Variants in THSD7B observed in about 807,000 individuals in gnomAD.
THSD7B encodes thrombospondin type 1 domain containing 7B, also known as thrombospondin type-1 domain-containing protein 7B.
Under a neutral mutation model 213.6 loss-of-function variants are expected in THSD7B, and 138 were observed. That is an observed-to-expected ratio of 0.65 (90% CI 0.56 to 0.74). The LOEUF is 0.74. THSD7B is among the 30% of genes least tolerant of loss of function. The pLI is 0.00. For missense variants in THSD7B, 1,931 were observed against 1,991.5 expected (o/e 0.97, Z 0.58); for synonymous variants, 742 against 687.0 (o/e 1.08, Z -1.25).
chr2:136,854,572 G>A (rs967755079), intron 1 of THSD7B, among the ~76,000 whole-genome samples: 1 of 151,868 alleles, frequency 6.6e-6, no homozygotes, highest in Non-Finnish European at 1.5e-5. Context: ...CCTTAGCACA[G>A]CACTAACTGT....
intron 12 of THSD7B, among the ~76,000 whole-genome samples, chr2:137,308,329 C>A (rs1683806299): frequency 6.6e-6 from 1 of 152,000 alleles, no homozygotes. Context: ...AGGTTCCAGA[C>A]CAGCTTATTG....
At chr2:137,035,016 C>T (rs1330405069) in intron 2 of THSD7B, among the ~76,000 whole-genome samples, 1 of 152,216 alleles carries the variant, frequency 6.6e-6, no homozygotes, top group Non-Finnish European at 1.5e-5. Flanking sequence ...AACCGCCACA[C>T]TGTCTTCCAC....
intron 7 of THSD7B, among the ~76,000 whole-genome samples, chr2:137,216,087 C>T (rs375286932): frequency 2.6e-5 from 4 of 152,022 alleles, no homozygotes; most frequent in Non-Finnish European, 5.9e-5. Context: ...CAGTCATGCT[C>T]ATATATATTT....
In THSD7B at chr2:137,450,914, G is replaced by A. The variant is rs770009363; in HGVS notation, c.3029G>A (p.Gly1010Glu). 52 of 1,613,208 alleles carry A rather than the reference G, an allele frequency of 3.2e-5. No individual in the cohort carries two copies. In the East Asian group the frequency reaches 1.1e-3, roughly 35 times the overall value. ...AAGTTAAGCGATTGGTCTAGTTGGGGGTCTTGCAGTTCATCTTGTGGAATT... is the reference window on the plus strand; with the variant it reads ...AAGTTAAGCGATTGGTCTAGTTGGGAGTCTTGCAGTTCATCTTGTGGAATT... The part of the protein sequence containing the change: ...DCKLSDWSSW[G>E]SCSSSCGIGV... The change falls in exon 15 of 28, where the codon GGG becomes GAG. Residue 1010 changes from glycine to glutamate, a missense_variant. By Grantham distance (98) the Gly-to-Glu change is moderately conservative (BLOSUM62 -2). Transcript: ENST00000409968.
At chr2:137,218,179 T>A (rs556383621) in intron 7 of THSD7B, among the ~76,000 whole-genome samples, 1 of 152,238 alleles carries the variant, frequency 6.6e-6, no homozygotes, top group Non-Finnish European at 1.5e-5. Context: ...CATGGACATG[T>A]TTCTTTTTTA....
intron 1 of THSD7B, among the ~76,000 whole-genome samples, chr2:136,804,360 A>G (rs1322336780): frequency 2.0e-5 from 3 of 151,820 alleles, no homozygotes; most frequent in African/African-American, 4.8e-5. Context: ...TTTAGCACCA[A>G]TGCATTAAGT....
chr2:137,377,761 C>G (rs772665610), intron 12 of THSD7B, among the ~76,000 whole-genome samples: 3 of 151,730 alleles, frequency 2.0e-5, no homozygotes, highest in Non-Finnish European at 4.4e-5. Flanking sequence ...TGAGTAGCTG[C>G]GATTACAGGC....
At chr2:136,867,982 T>C (rs1683370589) in intron 1 of THSD7B, among the ~76,000 whole-genome samples, 1 of 152,192 alleles carries the variant, frequency 6.6e-6, no homozygotes. Context: ...AGATAGATAA[T>C]ATGGACTGAA....
intron 14 of THSD7B, among the ~76,000 whole-genome samples, chr2:137,442,489 T>C (rs1347214083): frequency 6.6e-6 from 1 of 151,996 alleles, no homozygotes; most frequent in Non-Finnish European, 1.5e-5. Context: ...TCTCTCACTA[T>C]TCATGTCTAT....
Position 137,275,830 on chromosome 2 carries a change from C to G in THSD7B, c.2397-93C>G. On this transcript the variant is annotated intron_variant, in intron 11 of 27. Transcript: ENST00000409968. ...ATATCCATTTTTATTGAATTACTGT[C>G]TTTACTTTTTTTAAACTTCAAACAT... 2.2e-6 allele frequency: 2 copies of G among 921,458 alleles called. 1 individual carries two copies. The highest frequency in any genetic ancestry group is 5.4e-5 in the East Asian group (2 of 37,324). 57.1% of individuals were successfully genotyped at this position (921,458 alleles called of 1,614,324 possible).
intron 2 of THSD7B, among the ~76,000 whole-genome samples, chr2:136,903,569 C>G (rs1684096436): frequency 6.6e-6 from 1 of 152,068 alleles, no homozygotes; most frequent in South Asian, 2.1e-4. Context: ...AGATGGAGGT[C>G]TTTTACCCTA....
chr2:137,076,236 C>A (rs995255487), intron 3 of THSD7B, among the ~76,000 whole-genome samples: 3 of 152,258 alleles, frequency 2.0e-5, no homozygotes, highest in Non-Finnish European at 2.9e-5. Flanking sequence ...GGGCTCCACC[C>A]AGTTCGAGCT....
At chr2:137,283,327 T>C (rs568590717) in intron 12 of THSD7B, among the ~76,000 whole-genome samples, 1 of 152,236 alleles carries the variant, frequency 6.6e-6, no homozygotes, top group East Asian at 1.9e-4. Flanking sequence ...GGTTTTCTAG[T>C]TATACAATCG....
intron 5 of THSD7B, among the ~76,000 whole-genome samples, chr2:137,121,607 C>G (rs1337440556): frequency 6.6e-6 from 1 of 152,112 alleles, no homozygotes; most frequent in Non-Finnish European, 1.5e-5. Flanking sequence ...TCCTATAGCC[C>G]TAAGTTCATA....
chr2:137,283,432 T>A (rs1314889925), intron 12 of THSD7B, among the ~76,000 whole-genome samples: 2 of 152,132 alleles, frequency 1.3e-5, no homozygotes, highest in African/African-American at 4.8e-5. Flanking sequence ...CTTCCAACAC[T>A]ATGTTGAATA....
intron 15 of THSD7B, among the ~76,000 whole-genome samples, chr2:137,459,834 T>C (rs1573638167): frequency 6.6e-6 from 1 of 152,226 alleles, no homozygotes; most frequent in East Asian, 1.9e-4. Context: ...AGGCACCTGC[T>C]CTGGAATCTG....
At chr2:137,649,865 G>A (rs977445105) in intron 21 of THSD7B, among the ~76,000 whole-genome samples, 21 of 152,134 alleles carry the variant, frequency 1.4e-4, no homozygotes, top group African/African-American at 4.3e-4. Context: ...GGAGGCTGAG[G>A]TGGGAGAATC....
intron 15 of THSD7B, among the ~76,000 whole-genome samples, chr2:137,451,640 A>T (rs1687654726): frequency 6.6e-6 from 1 of 152,034 alleles, no homozygotes. Flanking sequence ...TTGCCATCCT[A>T]AGCAATCAAA....
At chr2:137,069,667 C>T (rs1323409332) in intron 3 of THSD7B, among the ~76,000 whole-genome samples, 1 of 151,936 alleles carries the variant, frequency 6.6e-6, no homozygotes, top group Non-Finnish European at 1.5e-5. Context: ...GCTCACTCCT[C>T]ATTGTTCCCT....
Sources: gnomAD v4.1 joint callset for allele counts (sites outside exome capture counted in the v4.1 genomes callset) on GRCh38, gnomAD v4.1.1 for gene constraint, MANE v1.5 for transcripts, NCBI Gene and HGNC (gene_info 2026-07-23, HGNC 2026-07-21) for gene names.